Variants in WDR62 observed in about 807,000 individuals in gnomAD.
WDR62 encodes the protein WD repeat domain 62, also known as WD repeat-containing protein 62.
Under a neutral mutation model 160.6 loss-of-function variants are expected in WDR62, and 112 were observed. That is an observed-to-expected ratio of 0.70 (90% CI 0.60 to 0.82). The LOEUF (loss-of-function observed/expected upper bound fraction) is 0.82. Among genes scored for constraint, WDR62 ranks in the 40% least tolerant of loss-of-function variants. WDR62 has a pLI of 0.00. For missense variants in WDR62, 1,819 were observed against 1,983.8 expected, an observed-to-expected ratio of 0.92 and a Z score of 1.58; for synonymous variants, 792 against 815.1, an observed-to-expected ratio of 0.97 and a Z score of 0.48.
rs538448747 is a variant in WDR62, at chr19:36,098,338, G to A, written c.2521-1061G>A. Among the ~76,000 whole-genome samples the A allele has an allele frequency of 2.9e-4, 44 of 151,798 alleles. No homozygotes were observed. The South Asian group carries it at 4.2e-3, about 14-fold the overall frequency. On this transcript the variant is annotated intron_variant, in intron 21 of 31. Coordinates refer to ENST00000401500, the MANE Select transcript of WDR62 (RefSeq NM_001083961.2). ...TCCCAGCACTTTGGGAGGCCAAGGC[G>A]GGTGTAATCCAAGGTCAAGAGATCA...
intron 20 of WDR62, among the ~76,000 whole-genome samples, chr19:36,094,422 C>T (rs1033586068): frequency 3.3e-5 from 5 of 151,730 alleles, no homozygotes; most frequent in Non-Finnish European, 5.9e-5. Flanking sequence ...GGCGTGGTGG[C>T]GTGCAACTAT....
At chr19:36,069,726 C>A (rs1046929624) in intron 7 of WDR62, among the ~76,000 whole-genome samples, 11 of 152,252 alleles carry the variant, frequency 7.2e-5, no homozygotes, top group Non-Finnish European at 1.2e-4. Flanking sequence ...AACGAGACTC[C>A]GTCTGCAATC....
intron 15 of WDR62, 100 bp downstream of exon 15, chr19:36,089,406 G>T: frequency 6.3e-7 from 1 of 1,586,784 alleles, no homozygotes; most frequent in Non-Finnish European, 8.6e-7. Context: ...AGCTGGGAAG[G>T]AATTGAGGGA....
chr19:36,081,609 C>T, intron 10 of WDR62, 39 bp downstream of exon 10: 1 of 1,613,916 alleles, frequency 6.2e-7, no homozygotes. Context: ...TCAGGAGGAA[C>T]AAAGACCTAC....
chr19:36,104,452 G>T, intron 30 of WDR62, 66 bp from the exon 31 acceptor site: 1 of 1,593,826 alleles, frequency 6.3e-7, no homozygotes, highest in Non-Finnish European at 8.6e-7. Context: ...AGTCCACCCA[G>T]TCGCTCTGGC....
rs896840471 is a variant in WDR62, at chr19:36,089,105, G to C, written c.1836G>C (p.Gln612His). The change falls in exon 14 of 32, where the codon CAG (glutamine) becomes CAC (histidine). Residue 612 changes from glutamine (Q) to histidine (H), a missense_variant and splice_region_variant. Physicochemically the swap from Gln to His is conservative, Grantham distance 24. This residue lies in a region of WDR62 where 934 missense variants were observed against 1,157.2 expected (regional missense o/e 0.81). Coordinates refer to ENST00000401500, the MANE Select transcript of WDR62 (RefSeq NM_001083961.2). ...GCATCTACTTTCGCAGTGCCCAGCA[G>C]GTAGGGTGGCATGGCCTCCTTGGGG... ...DKSIYFRSAQ[Q>H]GSDGLHFVRT... 2 of 1,614,170 alleles carry C rather than the reference G, an allele frequency of 1.2e-6. No individual in the cohort carries two copies. Among genetic ancestry groups the C allele is most frequent in the African/African-American group, 2.7e-5 (2 of 75,060 alleles).
At chr19:36,086,926 T>G in intron 13 of WDR62, 114 bp downstream of exon 13, 1 of 1,405,108 alleles carries the variant, frequency 7.1e-7, no homozygotes, top group Non-Finnish European at 9.7e-7. Flanking sequence ...ACAGTATCTG[T>G]GTACAGTATA....
intron 7 of WDR62, among the ~76,000 whole-genome samples, chr19:36,069,881 G>A (rs912100104): frequency 2.0e-5 from 3 of 152,044 alleles, no homozygotes; most frequent in African/African-American, 7.2e-5. Context: ...GCCTGCAATC[G>A]CAGGCACTCG....
In WDR62 at chr19:36,091,302, G is replaced by A. The variant is rs372356104; in HGVS notation, c.2137G>A (p.Gly713Ser). Residue 713 changes from glycine to serine, a missense_variant, in exon 17 of 32, where the codon GGC becomes AGC. Physicochemically the swap from Gly to Ser is moderately conservative, Grantham distance 56. Coordinates refer to ENST00000401500, the MANE Select transcript of WDR62 (RefSeq NM_001083961.2). The part of the protein sequence containing the change: ...YSGECIAKMF[G>S]HSEIITSMKF... ...GGGCGAGTGCATTGCCAAGATGTTT[G>A]GCCATTCAGGTGGGTGTGCCTCTCT... The A allele has an allele frequency of 3.7e-6, 6 of 1,613,912 alleles. No homozygotes were observed. Among genetic ancestry groups the A allele is most frequent in the Non-Finnish European group, 5.1e-6 (6 of 1,180,020 alleles).
chr19:36,069,383 A>G (rs1206179961), intron 7 of WDR62, among the ~76,000 whole-genome samples: 2 of 146,174 alleles, frequency 1.4e-5, no homozygotes, highest in African/African-American at 2.6e-5. Flanking sequence ...CGCTCCTCAC[A>G]TCCCAGACGG....
chr19:36,101,657 C>T lies in WDR62; in HGVS notation c.2972-7C>T. 1 of 1,545,702 alleles carries T rather than the reference C, an allele frequency of 6.5e-7. No individual in the cohort carries two copies. The highest frequency in any genetic ancestry group is 1.2e-5 in the South Asian group (1 of 83,940). ...TGTGGGCTCCTGACCCCGACTCTGTCCTTCAGACTCGGGGGAGTCAGAGGC... is the reference window on the plus strand; with the variant it reads ...TGTGGGCTCCTGACCCCGACTCTGTTCTTCAGACTCGGGGGAGTCAGAGGC... On this transcript the variant is annotated splice_polypyrimidine_tract_variant and splice_region_variant and intron_variant, in intron 24 of 31. Coordinates refer to ENST00000401500, the MANE Select transcript of WDR62 (RefSeq NM_001083961.2).
In WDR62 at chr19:36,065,984, C is replaced by A. The variant is rs587784558; in HGVS notation, c.359C>A (p.Ser120Tyr). ...ARKSLSALAFSPDGKYIVTGE... is the reference protein window; with the variant it reads ...ARKSLSALAFYPDGKYIVTGE... ...AAGTCTCTCAGTGCTCTGGCCTTCT[C>A]CCCTGATGGGAAGTACATAGTGACA... Residue 120 changes from serine to tyrosine, a missense_variant, in exon 4 of 32, where the codon TCC (serine) becomes TAC (tyrosine). Around this residue, in one of 3 missense-constraint regions of WDR62, gnomAD observed 934 missense variants for 1,157.2 expected, o/e 0.81. Transcript: ENST00000401500. 9 of 1,614,106 alleles carry A rather than the reference C, an allele frequency of 5.6e-6. No individual in the cohort carries two copies. In the Admixed American group the frequency reaches 1.2e-4, roughly 21 times the overall value.
rs756526741 is a variant in WDR62, at chr19:36,103,759, C to T, written c.3931C>T (p.Pro1311Ser). ...AAGTGCCTGTGATGGGCTCCTGCAG[C>T]CCCCCGTGGATACCCAGCCTGGCGT... ...LSSACDGLLQ[P>S]PVDTQPGVTV... The change falls in exon 30 of 32, where the codon CCC becomes TCC. Residue 1311 changes from proline to serine, a missense_variant. Physicochemically the swap from Pro to Ser is moderately conservative, Grantham distance 74. Around this residue, in one of 3 missense-constraint regions of WDR62, gnomAD observed 770 missense variants for 734.2 expected, o/e 1.05. Coordinates refer to ENST00000401500, the MANE Select transcript of WDR62 (RefSeq NM_001083961.2). 2 of 1,610,246 alleles carry T rather than the reference C, an allele frequency of 1.2e-6. No homozygotes were observed. The highest frequency in any genetic ancestry group is 4.5e-5 in the East Asian group (2 of 44,850).
intron 3 of WDR62, among the ~76,000 whole-genome samples, chr19:36,063,365 C>T (rs1279206616): frequency 6.6e-6 from 1 of 152,210 alleles, no homozygotes; most frequent in African/African-American, 2.4e-5. Flanking sequence ...TTCTCTGCCT[C>T]AGCCTCCTGA....
chr19:36,066,053 G>A, intron 4 of WDR62, 38 bp downstream of exon 4: 1 of 1,601,774 alleles, frequency 6.2e-7, no homozygotes, highest in Non-Finnish European at 8.5e-7. Flanking sequence ...GTCGGGGGCT[G>A]GGGGGTCTTG....
At chr19:36,099,137 G>A (rs1049746182) in intron 21 of WDR62, among the ~76,000 whole-genome samples, 20 of 147,724 alleles carry the variant, frequency 1.4e-4, no homozygotes, top group Admixed American at 9.8e-4. Context: ...CAGGAGAATT[G>A]CTTGAAACTG....
At chr19:36,109,282 G>A (rs575025877), downstream of WDR62, among the ~76,000 whole-genome samples, 6 of 152,256 alleles carry the variant, frequency 3.9e-5, no homozygotes, top group African/African-American at 1.4e-4. Context: ...CCTGGATCAG[G>A]AGCCTGTTCG....
At chr19:36,082,608 C>T (rs960726123) in intron 10 of WDR62, among the ~76,000 whole-genome samples, 4 of 152,210 alleles carry the variant, frequency 2.6e-5, no homozygotes, top group African/African-American at 9.7e-5. Flanking sequence ...TTTTTGGCTG[C>T]ACACAATAGA....
At position 36,092,728 on chromosome 19, in the gene WDR62, C is replaced by G; in HGVS notation, c.2250C>G (p.Asn750Lys). 6.2e-7 allele frequency: 1 copy of G among 1,614,218 alleles called. No individual in the cohort carries two copies. The highest frequency in any genetic ancestry group is 1.1e-5 in the South Asian group (1 of 91,090). ...FIWHLGPEIT[N>K]CMKQHLLEID... Reference sequence around the variant, plus strand: ...GGCACCTGGGCCCGGAGATCACCAACTGCATGAAGCAGCACTTGCTGGAGA... The same window carrying G: ...GGCACCTGGGCCCGGAGATCACCAAGTGCATGAAGCAGCACTTGCTGGAGA... The change falls in exon 19 of 32, where the codon AAC (asparagine) becomes AAG (lysine). Residue 750 changes from asparagine (N) to lysine (K), a missense_variant. Physicochemically the swap from Asn to Lys is moderately conservative, Grantham distance 94. Transcript: ENST00000401500.
Sources: allele counts gnomAD v4.1 joint callset (sites outside exome capture counted in the v4.1 genomes callset), GRCh38; gene constraint gnomAD v4.1.1; regional missense constraint gnomAD v4.1.1; transcripts MANE v1.5; gene names NCBI Gene and HGNC (gene_info 2026-07-23, HGNC 2026-07-21).